The following HELB variants were observed in gnomAD, a reference collection of about 807,000 sequenced individuals.
HELB encodes DNA 5'-3' helicase B.
In HELB, 96 loss-of-function variants were observed where a neutral mutation model predicts 101.7. That is an observed-to-expected ratio of 0.94 (90% CI 0.80 to 1.12). The LOEUF (loss-of-function observed/expected upper bound fraction) is 1.12. Ranked by LOEUF, HELB falls within the 50% of genes most tolerant of loss-of-function variation. The pLI, the probability that HELB is intolerant of heterozygous loss-of-function variation, is 0.00. For synonymous variants in HELB, 437 were observed against 459.7 expected (o/e 0.95, Z 0.63); for missense variants, 1,210 against 1,291.9 (o/e 0.94, Z 0.97).
Position 66,318,740 on chromosome 12 carries a change from G to T in HELB, c.2103G>T (p.Arg701Ser). ...AAGATAAGACATTTATTTTTGTCAG[G>T]CTCCCAGAAGAGGATGCCAGTTCTC... Reference protein sequence around the residue: ...SIQDKTFIFVRLPEEDASSQS... With the variant: ...SIQDKTFIFVSLPEEDASSQS... Residue 701 changes from arginine (R) to serine (S), a missense_variant, in exon 7 of 13, where the codon AGG (arginine) becomes AGT (serine). By Grantham distance (110) the Arg-to-Ser change is moderately radical. Coordinates refer to ENST00000247815, the MANE Select transcript of HELB (RefSeq NM_001370285.1). The T allele has an allele frequency of 6.2e-7, 1 of 1,610,782 alleles. No individual in the cohort carries two copies. Among genetic ancestry groups the T allele is most frequent in the East Asian group, 2.2e-5 (1 of 44,660 alleles).
chr12:66,322,762 A>T lies in HELB; in HGVS notation c.2276A>T (p.His759Leu), dbSNP rs142138223. The T allele has an allele frequency of 1.1e-5, 18 of 1,610,526 alleles. No homozygotes were observed. In the East Asian group the frequency reaches 4.0e-4, roughly 36 times the overall value. ...CDLINDCCCK[H>L]YTGHLTKDHQ... ...CTAATTAATGACTGCTGCTGCAAAC[A>T]CTACACAGGCCACCTCACCAAGTGA... is the stretch of plus-strand genomic sequence containing the variant. The change falls in exon 9 of 13, where the codon CAC becomes CTC. Residue 759 changes from histidine (H) to leucine (L), a missense_variant. By Grantham distance (99) the His-to-Leu change is moderately conservative (BLOSUM62 -3). Coordinates refer to ENST00000247815, the MANE Select transcript of HELB (RefSeq NM_001370285.1).
At chr12:66,337,259 T>C (rs1395910755) in intron 12 of HELB, among the ~76,000 whole-genome samples, 4 of 152,186 alleles carry the variant, frequency 2.6e-5, no homozygotes, top group African/African-American at 4.8e-5. Flanking sequence ...GAATCCCTGC[T>C]GATTCTAGGT....
chr12:66,315,387 T>C lies in HELB; in HGVS notation c.2000+4T>C, dbSNP rs377623347. On this transcript the variant is annotated splice_donor_region_variant and intron_variant, in intron 6 of 12. Coordinates refer to ENST00000247815, the MANE Select transcript of HELB (RefSeq NM_001370285.1). Reference sequence around the variant, plus strand: ...TCATTGTGGACAATGCTACAAGGTATAATATTACTAAGAGTTTGCATTTTC... The same window carrying C: ...TCATTGTGGACAATGCTACAAGGTACAATATTACTAAGAGTTTGCATTTTC... The C allele has an allele frequency of 1.9e-6, 3 of 1,547,512 alleles. No homozygotes were observed. The African/African-American group carries it at 4.2e-5, about 22-fold the overall frequency.
Position 66,309,903 on chromosome 12 carries a change from T to A in HELB, c.975T>A (p.His325Gln), listed in dbSNP as rs765599639. The change falls in exon 4 of 13, where the codon CAT (histidine) becomes CAA (glutamine). Residue 325 changes from histidine (H) to glutamine (Q), a missense_variant. This residue lies in a region of HELB where 470 missense variants were observed against 563.1 expected (regional missense o/e 0.83). Coordinates refer to ENST00000247815, the MANE Select transcript of HELB (RefSeq NM_001370285.1). ...VNDLTLTLSN[H>Q]MSFHAASESL... ...ACTTAACTTTGACATTGTCAAATCA[T>A]ATGTCATTTCATGCTGCTTCAGAGT... 6.2e-7 allele frequency: 1 copy of A among 1,614,140 alleles called. No individual in the cohort carries two copies.
Position 66,310,441 on chromosome 12 carries a change from G to A in HELB, c.1513G>A (p.Glu505Lys), listed in dbSNP as rs2053529916. 1 of 1,614,018 alleles carries A rather than the reference G, an allele frequency of 6.2e-7. No individual in the cohort carries two copies. The highest frequency in any genetic ancestry group is 1.1e-5 in the South Asian group (1 of 91,076). Residue 505 changes from glutamate (E) to lysine (K), a missense_variant, in exon 4 of 13, where the codon GAA (glutamate) becomes AAA (lysine). Transcript: ENST00000247815. ...AGAAAGAGAAGTAAAAAAAGCCTGT[G>A]AAGATTTTGAACAAGACCAGAATGC... Reference protein sequence around the residue: ...LEEREVKKACEDFEQDQNASE... With the variant: ...LEEREVKKACKDFEQDQNASE...
At position 66,324,094 on chromosome 12, in the gene HELB, T is replaced by A; in HGVS notation, c.2409T>A (p.Asn803Lys). The A allele has an allele frequency of 6.2e-7, 1 of 1,613,536 alleles. No individual in the cohort carries two copies. The highest frequency in any genetic ancestry group is 8.5e-7 in the Non-Finnish European group (1 of 1,179,544). Reference protein sequence around the residue: ...PENISGSQQNNDLDASSEDFS... With the variant: ...PENISGSQQNKDLDASSEDFS... ...ATATCTCTGGAAGTCAGCAAAATAA[T>A]GATCTAGATGCCAGTAGTGAAGACT... The change falls in exon 10 of 13, where the codon AAT becomes AAA. Residue 803 changes from asparagine (N) to lysine (K), a missense_variant. Coordinates refer to ENST00000247815, the MANE Select transcript of HELB (RefSeq NM_001370285.1).
intron 6 of HELB, among the ~76,000 whole-genome samples, chr12:66,316,912 G>A (rs562647657): frequency 6.6e-5 from 10 of 151,830 alleles, no homozygotes; most frequent in Middle Eastern, 6.8e-3. Context: ...CCAGCTACTC[G>A]GGAGGCTGAG....
chr12:66,307,771 A>C (rs1324007479), intron 3 of HELB, among the ~76,000 whole-genome samples: 26 of 140,452 alleles, frequency 1.9e-4, no homozygotes, highest in East Asian at 4.2e-4. Flanking sequence ...TTTTTTTCCC[A>C]CCCAGCCTGG....
intron 6 of HELB, among the ~76,000 whole-genome samples, chr12:66,316,044 A>G (rs996474662): frequency 5.9e-5 from 9 of 152,218 alleles, no homozygotes; most frequent in African/African-American, 2.2e-4. Flanking sequence ...CCATAAGATT[A>G]TAAAACTATA....
chr12:66,331,293 T>C lies in HELB; in HGVS notation c.2810T>C (p.Met937Thr). The change falls in exon 12 of 13, where the codon ATG (methionine) becomes ACG (threonine). Residue 937 changes from methionine to threonine, a missense_variant. Coordinates refer to ENST00000247815, the MANE Select transcript of HELB (RefSeq NM_001370285.1). ...GAGTCTCAGCTCCGGAATGCCATTA[T>C]GAAAAACAGTTTTCCTAGAAAAACT... is the stretch of plus-strand genomic sequence containing the variant. ...AEESQLRNAIMKNSFPRKTRL... is the reference protein window; with the variant it reads ...AEESQLRNAITKNSFPRKTRL... 6.2e-7 allele frequency: 1 copy of C among 1,614,234 alleles called. No individual in the cohort carries two copies.
chr12:66,339,604 A>G (rs533154838), downstream of HELB: 2 of 152,464 alleles, frequency 1.3e-5, no homozygotes, highest in South Asian at 2.1e-4. Context: ...TCTACTAAAA[A>G]TACAAAATTA....
At chr12:66,318,494 A>G in intron 6 of HELB, 144 bp from the exon 7 acceptor site, 1 of 652,192 alleles carries the variant, frequency 1.5e-6, no homozygotes, top group Non-Finnish European at 2.4e-6. Flanking sequence ...CTCATTTACT[A>G]TTTATAATGC....
At chr12:66,325,241 T>C (rs972360304) in intron 11 of HELB, 115 bp downstream of exon 11, 14 of 662,398 alleles carry the variant, frequency 2.1e-5, no homozygotes, top group Non-Finnish European at 3.7e-5. Context: ...GGAAACAAAA[T>C]ACACAAAAGT....
chr12:66,311,433 GC>G (rs2136993545), intron 4 of HELB, among the ~76,000 whole-genome samples: 1 of 152,334 alleles, frequency 6.6e-6, no homozygotes, highest in Non-Finnish European at 1.5e-5. Context: ...CTGCACTCCA[GC>G]CTGGGTGACA....
intron 1 of HELB, among the ~76,000 whole-genome samples, chr12:66,303,788 G>C (rs1419008722): frequency 6.6e-6 from 1 of 152,146 alleles, no homozygotes; most frequent in African/African-American, 2.4e-5. Context: ...TGTGCTATAA[G>C]TTATACCTGT....
At chr12:66,307,531 A>G (rs532524324) in intron 3 of HELB, among the ~76,000 whole-genome samples, 1 of 152,340 alleles carries the variant, frequency 6.6e-6, no homozygotes, top group African/African-American at 2.4e-5. Context: ...TTAGGCTAAT[A>G]TAATTGAGTA....
Position 66,310,402 on chromosome 12 carries a change from A to G in HELB, c.1474A>G (p.Ile492Val), listed in dbSNP as rs2053529292. 7.4e-6 allele frequency: 12 copies of G among 1,614,204 alleles called. No homozygotes were observed. Among genetic ancestry groups the G allele is most frequent in the South Asian group, 1.1e-5 (1 of 91,080 alleles). The change falls in exon 4 of 13, where the codon ATA (isoleucine) becomes GTA (valine). Residue 492 changes from isoleucine to valine, a missense_variant. Transcript: ENST00000247815. ...TTIVSRLFKH[I>V]EQLEEREVKK... The stretch of plus-strand genomic sequence containing the variant: ...AATCGTTAGCCGTCTTTTTAAGCAT[A>G]TAGAGCAGTTGGAAGAAAGAGAAGT...
intron 12 of HELB, among the ~76,000 whole-genome samples, chr12:66,332,199 C>T (rs779120073): frequency 6.6e-6 from 1 of 152,140 alleles, no homozygotes; most frequent in South Asian, 2.1e-4. Flanking sequence ...CCATTTCAAT[C>T]ACCATCTTCC....
rs1226222482 is a variant in HELB at position 66,328,042 on chromosome 12, T to C, written c.2670+2916T>C. On this transcript the variant is annotated intron_variant, in intron 11 of 12. Coordinates refer to ENST00000247815, the MANE Select transcript of HELB (RefSeq NM_001370285.1). ...GGTTCTAAGGTGAGAGTCTGTCTGG[T>C]ATAGTTGAGAAGCAGGAATAGCAAG... Among the ~76,000 whole-genome samples, 3 of 152,010 alleles carry C rather than the reference T, an allele frequency of 2.0e-5. No individual in the cohort carries two copies. In the East Asian group the frequency reaches 5.8e-4, roughly 29 times the overall value.
Sources: allele counts gnomAD v4.1 joint callset (sites outside exome capture counted in the v4.1 genomes callset), GRCh38; gene constraint gnomAD v4.1.1; regional missense constraint gnomAD v4.1.1; transcripts MANE v1.5; gene names NCBI Gene and HGNC (gene_info 2026-07-23, HGNC 2026-07-21).